Variants in BAZ1A observed in about 807,000 individuals in gnomAD.
BAZ1A encodes bromodomain adjacent to zinc finger domain protein 1A.
Under a neutral mutation model 185.2 loss-of-function variants are expected in BAZ1A, and 50 were observed. That is an observed-to-expected ratio of 0.27 (90% CI 0.22 to 0.34). The LOEUF (loss-of-function observed/expected upper bound fraction) is 0.34. Among genes scored for constraint, BAZ1A ranks in the 10% least tolerant of loss-of-function variants. The pLI, the probability that BAZ1A is intolerant of heterozygous loss-of-function variation, is 1.00. For synonymous variants in BAZ1A, 571 were observed against 615.6 expected (o/e 0.93, Z 1.07); for missense variants, 1,356 against 1,839.9 (o/e 0.74, Z 4.81).
At chr14:34,782,679 T>C (rs529195266) in intron 16 of BAZ1A, among the ~76,000 whole-genome samples, 1 of 152,158 alleles carries the variant, frequency 6.6e-6, no homozygotes, top group East Asian at 1.9e-4. Flanking sequence ...GAATATTGAG[T>C]TTTTTCAGAA....
chr14:34,827,357 G>A (rs2042178607), intron 3 of BAZ1A, among the ~76,000 whole-genome samples: 1 of 152,122 alleles, frequency 6.6e-6, no homozygotes, highest in Non-Finnish European at 1.5e-5. Context: ...ATCCATTATG[G>A]AAGATGGAGT....
intron 17 of BAZ1A, among the ~76,000 whole-genome samples, chr14:34,778,268 T>G (rs923941601): frequency 6.6e-6 from 1 of 152,164 alleles, no homozygotes; most frequent in Non-Finnish European, 1.5e-5. Flanking sequence ...ATAAATCATT[T>G]TGGAACATGA....
At chr14:34,868,894 ATG>A (rs763173896) in intron 2 of BAZ1A, among the ~76,000 whole-genome samples, 2 of 71,068 alleles carry the variant, frequency 2.8e-5, no homozygotes, top group South Asian at 8.7e-4. Flanking sequence ...GTATGTAAGT[ATG>A]TATGTGTGTG....
chr14:34,787,038 T>C (rs1880503076), intron 12 of BAZ1A, among the ~76,000 whole-genome samples: 2 of 152,210 alleles, frequency 1.3e-5, no homozygotes, highest in South Asian at 4.1e-4. Flanking sequence ...AATATCTTCA[T>C]TAAAATTTCA....
At chr14:34,768,867 A>G (rs1022038717) in intron 21 of BAZ1A, 1 of 268,494 alleles carries the variant, frequency 3.7e-6, no homozygotes, top group African/African-American at 2.3e-5. Context: ...AAATAACAGA[A>G]TTATCAATCT....
intron 9 of BAZ1A, among the ~76,000 whole-genome samples, chr14:34,796,165 T>TACACACACACACACACACACACAC (rs61285890): frequency 2.7e-5 from 4 of 146,498 alleles, no homozygotes; most frequent in South Asian, 2.2e-4. Context: ...TACATATACA[T>TACACACACACACACACACACACAC]ACACACACAC....
chr14:34,798,805 C>A (rs145650325), intron 9 of BAZ1A, among the ~76,000 whole-genome samples: 19 of 152,252 alleles, frequency 1.2e-4, no homozygotes, highest in African/African-American at 4.6e-4. Context: ...ACTAGTTCAA[C>A]CATTGTGGAA....
chr14:34,786,094 C>T (rs775560207), intron 13 of BAZ1A, 32 bp downstream of exon 13: 3 of 1,570,748 alleles, frequency 1.9e-6, no homozygotes, highest in Non-Finnish European at 2.6e-6. Flanking sequence ...AAATAAAAAG[C>T]CAAACAAAAA....
At position 34,776,402 on chromosome 14, in the gene BAZ1A, G is replaced by C. The variant is rs1174198134; in HGVS notation, c.2350C>G (p.Arg784Gly). The change falls in exon 18 of 27, where the codon CGA (arginine) becomes GGA (glycine). Residue 784 changes from arginine to glycine, a missense_variant. Transcript: ENST00000360310. Reference sequence around the variant, plus strand: ...TTTTCTAAGAGCTCTTTCTCTTTTCGTTGGTGTTCCTGTTTTAATGCTTCT... The same window carrying C: ...TTTTCTAAGAGCTCTTTCTCTTTTCCTTGGTGTTCCTGTTTTAATGCTTCT... ...EEEALKQEHQ[R>G]KEKELLEKIQ... 6.2e-7 allele frequency: 1 copy of C among 1,614,000 alleles called. No individual in the cohort carries two copies. Among genetic ancestry groups the C allele is most frequent in the South Asian group, 1.1e-5 (1 of 91,074 alleles).
chr14:34,817,280 ATAT>A (rs917125695), intron 4 of BAZ1A, among the ~76,000 whole-genome samples: 13 of 151,656 alleles, frequency 8.6e-5, no homozygotes, highest in Middle Eastern at 3.2e-3. Context: ...TGGTCAGAAT[ATAT>A]TATTTAAAAA....
chr14:34,844,205 CAAAAAAAAAAAA>C (rs71121227), intron 3 of BAZ1A, among the ~76,000 whole-genome samples: 9 of 109,822 alleles, frequency 8.2e-5, no homozygotes, highest in African/African-American at 3.0e-4. Context: ...GACTCCGTCT[CAAAAAAAAAAAA>C]AAAAAAAAAA....
intron 3 of BAZ1A, among the ~76,000 whole-genome samples, chr14:34,853,178 T>A (rs1415228751): frequency 6.6e-6 from 1 of 152,218 alleles, no homozygotes; most frequent in Non-Finnish European, 1.5e-5. Flanking sequence ...AGACTCAACT[T>A]CCAATTTAGT....
At chr14:34,777,410 G>A (rs1423854226) in intron 17 of BAZ1A, among the ~76,000 whole-genome samples, 7 of 152,198 alleles carry the variant, frequency 4.6e-5, no homozygotes, top group African/African-American at 1.2e-4. Flanking sequence ...TTGGGAGGCC[G>A]AGGTGGGCGG....
At chr14:34,755,946 A>C (rs986141924) in intron 25 of BAZ1A, among the ~76,000 whole-genome samples, 4 of 149,734 alleles carry the variant, frequency 2.7e-5, no homozygotes, top group Non-Finnish European at 5.9e-5. Context: ...TCAGATTCCC[A>C]AGTAACTGAG....
At chr14:34,758,438 G>A (rs1391409973) in intron 25 of BAZ1A, 4 of 299,182 alleles carry the variant, frequency 1.3e-5, no homozygotes, top group African/African-American at 4.5e-5. Context: ...ATATTAGCCG[G>A]GTGTGGTGGT....
In BAZ1A at chr14:34,807,481, A is replaced by C; in HGVS notation, c.696T>G (p.Cys232Trp). The part of the protein sequence containing the change: ...DKLKLFLKQH[C>W]EPQDGVIKIK... The stretch of plus-strand genomic sequence containing the variant: ...TTTTAATGACTCCATCTTGTGGTTC[A>C]CAGTGTTGCTTCAGAAAAAGCTTTA... The change falls in exon 6 of 27, where the codon TGT (cysteine) becomes TGG (tryptophan). Residue 232 changes from cysteine (C) to tryptophan (W), a missense_variant. Cys to Trp is a radical substitution (Grantham distance 215). Transcript: ENST00000360310. 1 of 1,612,660 alleles carries C rather than the reference A, an allele frequency of 6.2e-7. No homozygotes were observed. Among genetic ancestry groups the C allele is most frequent in the Non-Finnish European group, 8.5e-7 (1 of 1,179,116 alleles).
Position 34,771,574 on chromosome 14 carries a change from G to A in BAZ1A, c.3238C>T (p.Leu1080=). 6.2e-7 allele frequency: 1 copy of A among 1,614,136 alleles called. No homozygotes were observed. The highest frequency in any genetic ancestry group is 8.5e-7 in the Non-Finnish European group (1 of 1,180,022). The part of the protein sequence containing the change: ...PQSVSSVVHY[L]AMALFQIEQG... The stretch of plus-strand genomic sequence containing the variant: ...TCTATTTGAAAGAGTGCCATTGCCA[G>A]ATAATGAACCACACTGCTCACTGAT... The change falls in exon 21 of 27, where the codon CTG becomes TTG. Residue 1080 remains leucine, a synonymous_variant. Transcript: ENST00000360310.
At chr14:34,759,189 T>TTTTTTTTG (rs1488909947) in intron 24 of BAZ1A, among the ~76,000 whole-genome samples, 3 of 136,212 alleles carry the variant, frequency 2.2e-5, no homozygotes, top group Admixed American at 7.4e-5. Flanking sequence ...TTTTTTTTTT[T>TTTTTTTTG]TTTTTTTTTG....
chr14:34,806,436 C>T (rs986103557), intron 6 of BAZ1A, among the ~76,000 whole-genome samples: 1 of 152,064 alleles, frequency 6.6e-6, no homozygotes, highest in African/African-American at 2.4e-5. Context: ...TTTTCCCATC[C>T]TCTCCCTCCT....
Sources: allele counts gnomAD v4.1 joint callset (sites outside exome capture counted in the v4.1 genomes callset), GRCh38; gene constraint gnomAD v4.1.1; transcripts MANE v1.5; gene names NCBI Gene and HGNC (gene_info 2026-07-23, HGNC 2026-07-21).